RHOBTB1: variants seen among roughly 807,000 people sequenced by gnomAD.
RHOBTB1 encodes the protein Rho related BTB domain containing 1, also known as rho-related BTB domain-containing protein 1.
RHOBTB1 carries 40 observed loss-of-function variants against 71.6 expected under a neutral mutation model. That is an observed-to-expected ratio of 0.56 (90% CI 0.43 to 0.73). The LOEUF (loss-of-function observed/expected upper bound fraction) is 0.73, where lower values mean the gene tolerates loss of function less well. Among genes scored for constraint, RHOBTB1 ranks in the 30% least tolerant of loss-of-function variants. The pLI is 0.00. For missense variants in RHOBTB1, 797 were observed against 894.0 expected (o/e 0.89, Z 1.38); for synonymous variants, 319 against 334.9 (o/e 0.95, Z 0.52).
downstream of RHOBTB1, among the ~76,000 whole-genome samples, chr10:60,867,297 AACTTTG>A (rs1007831299): frequency 6.6e-6 from 1 of 152,222 alleles, no homozygotes; most frequent in African/African-American, 2.4e-5. Context: ...AGAATAGTCA[AACTTTG>A]GTTGGCTTCC....
At chr10:60,878,578 C>T (rs772692672) in intron 7 of RHOBTB1, among the ~76,000 whole-genome samples, 4 of 152,220 alleles carry the variant, frequency 2.6e-5, no homozygotes, top group African/African-American at 7.2e-5. Context: ...TACTACACAA[C>T]GTATACACTT....
Position 60,953,604 on chromosome 10 carries a change from AC to A in RHOBTB1, c.-61-11751del, listed in dbSNP as rs532172518. Reference sequence around the variant, plus strand: ...TTTTCTATTGAAAGAAATCTATCACACCTGTTGTTTTTATAAGCATTATCAT... The same window carrying A: ...TTTTCTATTGAAAGAAATCTATCACACTGTTGTTTTTATAAGCATTATCAT... On this transcript the variant is annotated intron_variant, in intron 2 of 11. Transcript: ENST00000357917. Among the ~76,000 whole-genome samples the A allele has an allele frequency of 3.7e-3, 562 of 152,246 alleles. 3 individuals are homozygous for A. Among genetic ancestry groups the A allele is most frequent in the African/African-American group, 0.013 (530 of 41,544 alleles).
intron 1 of RHOBTB1, among the ~76,000 whole-genome samples, chr10:60,987,845 C>A (rs189600451): frequency 6.0e-4 from 91 of 151,896 alleles, no homozygotes; most frequent in African/African-American, 2.0e-3. Context: ...CTCTCCACCC[C>A]CTAACCCCTG....
At chr10:60,993,116 C>T (rs1184766713) in intron 1 of RHOBTB1, among the ~76,000 whole-genome samples, 1 of 152,046 alleles carries the variant, frequency 6.6e-6, no homozygotes, top group Non-Finnish European at 1.5e-5. Flanking sequence ...GGACGTGTCT[C>T]TCTGCTTGGT....
intron 2 of RHOBTB1, among the ~76,000 whole-genome samples, chr10:60,923,353 TAGC>T (rs1253531545): frequency 6.6e-6 from 1 of 152,200 alleles, no homozygotes; most frequent in Non-Finnish European, 1.5e-5. Context: ...TATAAACTAA[TAGC>T]AGATGAAATT....
rs1589490592 is a variant in RHOBTB1 at position 60,999,005 on chromosome 10, A to C, written c.-163+2394T>G. Among the ~76,000 whole-genome samples, 3 of 152,306 alleles carry C rather than the reference A, an allele frequency of 2.0e-5. No homozygotes were observed. The Middle Eastern group carries it at 0.01, about 518-fold the overall frequency. On this transcript the variant is annotated intron_variant, in intron 1 of 11. Transcript: ENST00000357917. The stretch of plus-strand genomic sequence containing the variant: ...ACACAGACAACGCCTGCCTCACCAG[A>C]TTATTACAAGAATTTAATGAGATAT...
chr10:60,946,189 A>C (rs1352486706), upstream of RHOBTB1, among the ~76,000 whole-genome samples: 1 of 151,982 alleles, frequency 6.6e-6, no homozygotes, highest in Non-Finnish European at 1.5e-5. Context: ...GAAAAAAAAA[A>C]AACAAAAAAC....
chr10:60,970,363 AT>A (rs1353399102), intron 2 of RHOBTB1, among the ~76,000 whole-genome samples: 1 of 152,104 alleles, frequency 6.6e-6, no homozygotes, highest in Non-Finnish European at 1.5e-5. Flanking sequence ...TAAACTCACT[AT>A]TCCACCCAGA....
intron 6 of RHOBTB1, 104 bp downstream of exon 6, chr10:60,888,108 G>A (rs116583839): frequency 1.0e-4 from 131 of 1,277,286 alleles, no homozygotes; most frequent in Non-Finnish European, 1.2e-4. Context: ...AAATAAGTAC[G>A]TATAAATGTT....
At chr10:60,984,426 C>A (rs2086597354) in intron 2 of RHOBTB1, among the ~76,000 whole-genome samples, 1 of 152,130 alleles carries the variant, frequency 6.6e-6, no homozygotes, top group African/African-American at 2.4e-5. Flanking sequence ...AAATGAAAGA[C>A]TACAGCCTTA....
rs556718498 is a variant in RHOBTB1, at chr10:60,875,005, C to T, written c.1764G>A (p.Thr588=). Residue 588 remains threonine, a synonymous_variant, in exon 9 of 11, where the codon ACG becomes ACA. Coordinates refer to ENST00000337910, the MANE Select transcript of RHOBTB1 (RefSeq NM_014836.5). ...CTTCTCCGTCAATGCCCACGCCACT[C>T]GTGGCGGCTTTGGTCAACTCCTGAA... ...HAVQELTKAA[T]SGVGIDGEVL... The T allele has an allele frequency of 2.5e-5, 41 of 1,614,100 alleles. No homozygotes were observed. In the East Asian group the frequency reaches 6.0e-4, roughly 24 times the overall value.
In RHOBTB1 at chr10:60,911,428, T is replaced by A; in HGVS notation, c.115A>T (p.Thr39Ser). The A allele has an allele frequency of 2.5e-6, 4 of 1,614,226 alleles. No individual in the cohort carries two copies. Among genetic ancestry groups the A allele is most frequent in the Non-Finnish European group, 3.4e-6 (4 of 1,180,042 alleles). The change falls in exon 3 of 11, where the codon ACA (threonine) becomes TCA (serine). Residue 39 changes from threonine to serine, a missense_variant. Thr to Ser is a moderately conservative substitution (Grantham distance 58, BLOSUM62 1). Transcript: ENST00000337910. ...RLICARACNT[T>S]LTQYQLLATH... ...GCCAGCAGCTGATACTGCGTGAGTG[T>A]GGTGTTGCACGCCCTGGCACAGATC...
At chr10:60,871,835 A>G (rs1411082135) in intron 10 of RHOBTB1, among the ~76,000 whole-genome samples, 184 bp from the exon 11 acceptor site, 3 of 152,196 alleles carry the variant, frequency 2.0e-5, no homozygotes, top group East Asian at 1.9e-4. Flanking sequence ...ACCTGTAGTC[A>G]TGCAGCTGGG....
chr10:60,996,297 C>T (rs2087047356), intron 1 of RHOBTB1, among the ~76,000 whole-genome samples: 1 of 152,108 alleles, frequency 6.6e-6, no homozygotes, highest in Non-Finnish European at 1.5e-5. Flanking sequence ...TTTTTACCTG[C>T]CCAAGCTGAT....
chr10:60,968,930 C>A (rs1205720902), intron 2 of RHOBTB1, among the ~76,000 whole-genome samples: 13 of 151,998 alleles, frequency 8.6e-5, no homozygotes, highest in Admixed American at 8.5e-4. Flanking sequence ...CAATGGATGG[C>A]AGTCTAGAAG....
At chr10:60,977,271 C>T (rs1300356045) in intron 2 of RHOBTB1, among the ~76,000 whole-genome samples, 1 of 151,990 alleles carries the variant, frequency 6.6e-6, no homozygotes, top group Non-Finnish European at 1.5e-5. Context: ...AGCAATTTTA[C>T]TTATAGCTCA....
chr10:60,907,817 G>T (rs2133296115), intron 4 of RHOBTB1, among the ~76,000 whole-genome samples: 1 of 152,266 alleles, frequency 6.6e-6, no homozygotes, highest in East Asian at 1.9e-4. Flanking sequence ...TGGCACAGTG[G>T]AAAGAGTGAG....
chr10:60,997,247 TA>T (rs1282113865), intron 1 of RHOBTB1, among the ~76,000 whole-genome samples: 1 of 152,152 alleles, frequency 6.6e-6, no homozygotes, highest in African/African-American at 2.4e-5. Context: ...CTGGGGAAAT[TA>T]AAAAGATATC....
In RHOBTB1 at chr10:60,985,537, C is replaced by T. The variant is rs554411057; in HGVS notation, c.-62+308G>A. Reference sequence around the variant, plus strand: ...TGTCAATTTCCTGTACAAAATGCTACGCACTAAAGAATTTTAACTGTGTAT... The same window carrying T: ...TGTCAATTTCCTGTACAAAATGCTATGCACTAAAGAATTTTAACTGTGTAT... On this transcript the variant is annotated intron_variant, in intron 2 of 11. Coordinates refer to the RHOBTB1 transcript ENST00000357917. Among the ~76,000 whole-genome samples, 13 of 152,224 alleles carry T rather than the reference C, an allele frequency of 8.5e-5. No individual in the cohort carries two copies. In the East Asian group the frequency reaches 1.2e-3, roughly 14 times the overall value.
Sources: gnomAD v4.1 joint callset for allele counts (sites outside exome capture counted in the v4.1 genomes callset) on GRCh38, gnomAD v4.1.1 for gene constraint, MANE v1.5 for transcripts, NCBI Gene and HGNC (gene_info 2026-07-23, HGNC 2026-07-21) for gene names.